The following CD274 variants were observed in gnomAD, a reference collection of about 807,000 sequenced individuals.
CD274 encodes CD274 molecule, also known as programmed cell death 1 ligand 1.
In CD274, 8 loss-of-function variants were observed where a neutral mutation model predicts 30.1. The observed-to-expected ratio is 0.27, with a 90% confidence interval of 0.16 to 0.48. The LOEUF is 0.48. CD274 is among the 20% of genes least tolerant of loss of function. CD274 has a pLI of 0.99. For missense variants in CD274, 353 were observed against 346.6 expected, an observed-to-expected ratio of 1.02 and a Z score of -0.15; for synonymous variants, 152 against 124.6, an observed-to-expected ratio of 1.22 and a Z score of -1.46.
intron 3 of CD274, among the ~76,000 whole-genome samples, chr9:5,462,479 T>C (rs111741331): frequency 6.7e-4 from 102 of 152,334 alleles, no homozygotes; most frequent in African/African-American, 2.2e-3. Flanking sequence ...TTAAATTATT[T>C]TTTGTAGAAA....
At chr9:5,464,158 C>T (rs1467363056) in intron 4 of CD274, among the ~76,000 whole-genome samples, 2 of 152,112 alleles carry the variant, frequency 1.3e-5, no homozygotes, top group Admixed American at 1.3e-4. Context: ...GATGCTCTTA[C>T]TGGGGTACGA....
rs1371819567 is a variant in CD274, at chr9:5,469,242, C to T, written c.*1380C>T. 6 of 232,684 alleles carry T rather than the reference C, an allele frequency of 2.6e-5. No individual in the cohort carries two copies. The highest frequency in any genetic ancestry group is 2.5e-5 in the Non-Finnish European group (3 of 117,832). 14.4% of individuals were successfully genotyped at this position (232,684 alleles called of 1,614,324 possible). A position where few individuals can be genotyped will look rare whatever the true frequency, so the allele number is the denominator to read the frequency against. The stretch of plus-strand genomic sequence containing the variant: ...TTTGCCTTTGCCATATAATCTAATG[C>T]TTGTTTATATAGTGTCTGGTATTGT... On this transcript the variant is annotated 3_prime_UTR_variant, in exon 7 of 7. Coordinates refer to ENST00000381577, the MANE Select transcript of CD274 (RefSeq NM_014143.4).
chr9:5,470,316 T>C lies in CD274; in HGVS notation c.*2454T>C, dbSNP rs544802517. On this transcript the variant is annotated 3_prime_UTR_variant, in exon 7 of 7. Coordinates refer to ENST00000381577, the MANE Select transcript of CD274 (RefSeq NM_014143.4). ...CAAGGCACATAGTCTACTCAGTCTA[T>C]TCCTAAGTCCTAACTCCTCCTTGTG... 3 of 232,582 alleles carry C rather than the reference T, an allele frequency of 1.3e-5. No individual in the cohort carries two copies. The East Asian group carries it at 1.8e-4, about 14-fold the overall frequency. 14.4% of individuals were successfully genotyped at this position (232,582 alleles called of 1,614,324 possible). A position where few individuals can be genotyped will look rare whatever the true frequency, so the allele number is the denominator to read the frequency against.
chr9:5,463,678 A>C (rs1819447721), intron 4 of CD274, among the ~76,000 whole-genome samples: 2 of 152,334 alleles, frequency 1.3e-5, no homozygotes, highest in African/African-American at 4.8e-5. Context: ...CAACTCTAGC[A>C]GTCTGCTTAG....
rs1371986747 is a variant in CD274, at chr9:5,468,249, C to T, written c.*387C>T. 3.4e-6 allele frequency: 1 copy of T among 291,662 alleles called. No individual in the cohort carries two copies. The highest frequency in any genetic ancestry group is 6.4e-6 in the Non-Finnish European group (1 of 155,866). 18.1% of individuals were successfully genotyped at this position (291,662 alleles called of 1,614,324 possible). A position where few individuals can be genotyped will look rare whatever the true frequency, so the allele number is the denominator to read the frequency against. ...AGTGCCCTTTGCCTCCACTCAATGC[C>T]TCAATTTGTTTTCTGCATGACTGAG... On this transcript the variant is annotated 3_prime_UTR_variant, in exon 7 of 7. Transcript: ENST00000381577.
chr9:5,468,355 T>C lies in CD274; in HGVS notation c.*493T>C. 8.5e-6 allele frequency: 2 copies of C among 236,142 alleles called. No homozygotes were observed. The highest frequency in any genetic ancestry group is 8.3e-6 in the Non-Finnish European group (1 of 120,092). 14.6% of individuals were successfully genotyped at this position (236,142 alleles called of 1,614,324 possible). A position where few individuals can be genotyped will look rare whatever the true frequency, so the allele number is the denominator to read the frequency against. ...GAGTCTGTGAGGTCTTCTTGTCATG[T>C]GAGTGTGGTTGTGAATGATTTCTTT... On this transcript the variant is annotated 3_prime_UTR_variant, in exon 7 of 7. Transcript: ENST00000381577.
intron 1 of CD274, among the ~76,000 whole-genome samples, chr9:5,453,935 A>G (rs550349428): frequency 1.3e-5 from 2 of 152,350 alleles, no homozygotes; most frequent in East Asian, 3.9e-4. Flanking sequence ...AAATGTTTCC[A>G]GGCATCACCA....
chr9:5,454,785 C>G (rs1320629967), intron 1 of CD274, among the ~76,000 whole-genome samples: 1 of 152,004 alleles, frequency 6.6e-6, no homozygotes, highest in African/African-American at 2.4e-5. Flanking sequence ...GGTAAGAAAG[C>G]CTATTTGTTC....
rs1159704687 is a variant in CD274, at chr9:5,457,169, T to C, written c.143T>C (p.Leu48Ser). The C allele has an allele frequency of 6.2e-7, 1 of 1,613,928 alleles. No homozygotes were observed. Among genetic ancestry groups the C allele is most frequent in the Admixed American group, 1.7e-5 (1 of 60,006 alleles). The change falls in exon 3 of 7, where the codon TTA becomes TCA. Residue 48 changes from leucine (L) to serine (S), a missense_variant. Leu to Ser is a moderately radical substitution (Grantham distance 145). Coordinates refer to ENST00000381577, the MANE Select transcript of CD274 (RefSeq NM_014143.4). ...IECKFPVEKQLDLAALIVYWE... is the reference protein window; with the variant it reads ...IECKFPVEKQSDLAALIVYWE... ...TGCAAATTCCCAGTAGAAAAACAAT[T>C]AGACCTGGCTGCACTAATTGTCTAT...
chr9:5,464,668 T>C (rs980293179), intron 4 of CD274, among the ~76,000 whole-genome samples: 7 of 152,184 alleles, frequency 4.6e-5, no homozygotes, highest in African/African-American at 9.6e-5. Flanking sequence ...ACAACAAGCA[T>C]TGGCCTCCAA....
At chr9:5,463,172 A>C (rs770114184) in intron 4 of CD274, 51 bp downstream of exon 4, 2 of 1,375,452 alleles carry the variant, frequency 1.5e-6, no homozygotes, top group East Asian at 2.3e-5. Flanking sequence ...GTCCCCTAGC[A>C]CCTAGCATGA....
At chr9:5,466,026 T>C (rs2131231286) in intron 5 of CD274, 1 of 152,978 alleles carries the variant, frequency 6.5e-6, no homozygotes, top group East Asian at 1.9e-4. Context: ...AAATTTTTGG[T>C]AGAGGATGTT....
Position 5,466,764 on chromosome 9 carries a change from C to G in CD274, c.791-6C>G, listed in dbSNP as rs2131232816. On this transcript the variant is annotated splice_region_variant and splice_polypyrimidine_tract_variant and intron_variant, in intron 5 of 6. Coordinates refer to ENST00000381577, the MANE Select transcript of CD274 (RefSeq NM_014143.4). ...ATGGAAATAAAAATGATTTCTTTTT[C>G]TCAAGGGAGAATGATGGATGTGAAA... 6.2e-7 allele frequency: 1 copy of G among 1,606,918 alleles called. No individual in the cohort carries two copies. The highest frequency in any genetic ancestry group is 2.2e-5 in the East Asian group (1 of 44,734).
At chr9:5,463,653 T>C (rs1452443555) in intron 4 of CD274, among the ~76,000 whole-genome samples, 1 of 152,184 alleles carries the variant, frequency 6.6e-6, no homozygotes, top group Non-Finnish European at 1.5e-5. Context: ...TCTCCCAAGG[T>C]AGTCTACAAT....
At chr9:5,452,109 C>A (rs1362758819) in intron 1 of CD274, among the ~76,000 whole-genome samples, 1 of 151,304 alleles carries the variant, frequency 6.6e-6, no homozygotes, top group South Asian at 2.1e-4. Flanking sequence ...CACTGCCTCC[C>A]GGGTTCAAGT....
rs1477931029 is a variant in CD274 at position 5,470,212 on chromosome 9, T to C, written c.*2350T>C. The C allele has an allele frequency of 2.1e-5, 5 of 232,790 alleles. No homozygotes were observed. The highest frequency in any genetic ancestry group is 4.4e-5 in the African/African-American group (2 of 45,332). 14.4% of individuals were successfully genotyped at this position (232,790 alleles called of 1,614,324 possible). A position where few individuals can be genotyped will look rare whatever the true frequency, so the allele number is the denominator to read the frequency against. On this transcript the variant is annotated 3_prime_UTR_variant, in exon 7 of 7. Coordinates refer to ENST00000381577, the MANE Select transcript of CD274 (RefSeq NM_014143.4). ...CTCCAACAGAGCTCCTTGTGTTATC[T>C]GTTTGTACATGTGCATTTGTACAGT...
intron 3 of CD274, 134 bp from the exon 4 acceptor site, chr9:5,462,700 A>C (rs1819425480): frequency 9.6e-6 from 7 of 732,890 alleles, no homozygotes; most frequent in African/African-American, 1.8e-5. Flanking sequence ...CCCACGGCTG[A>C]GGCATCTGAA....
chr9:5,450,711 G>A (rs1819186395), intron 1 of CD274, 115 bp downstream of exon 1: 1 of 152,324 alleles, frequency 6.6e-6, no homozygotes. Flanking sequence ...GAGAGGAGAA[G>A]GGAAAGGGAA....
intron 3 of CD274, among the ~76,000 whole-genome samples, chr9:5,459,131 G>A (rs1819358899): frequency 6.6e-6 from 1 of 152,142 alleles, no homozygotes; most frequent in South Asian, 2.1e-4. Context: ...CTTTGCCATG[G>A]ATCAACACAA....
Sources: gnomAD v4.1 joint callset for allele counts (sites outside exome capture counted in the v4.1 genomes callset) on GRCh38, gnomAD v4.1.1 for gene constraint, MANE v1.5 for transcripts, NCBI Gene and HGNC (gene_info 2026-07-23, HGNC 2026-07-21) for gene names.